Variants in C16orf74 observed in about 807,000 individuals in gnomAD.
C16orf74 encodes the protein uncharacterized protein C16orf74.
C16orf74 carries 10 observed loss-of-function variants against 6.5 expected under a neutral mutation model. The ratio of observed to expected loss-of-function variants is 1.54; its 90% CI spans 0.95 to 2.61. C16orf74 has a LOEUF of 2.61. Among genes scored for constraint, C16orf74 ranks in the 30% most tolerant of loss-of-function variants. C16orf74 has a pLI of 0.00. For missense variants in C16orf74, 141 were observed against 105.9 expected (o/e 1.33, Z -1.45); for synonymous variants, 60 against 42.5 (o/e 1.41, Z -1.60).
rs374917861 is a variant in C16orf74 at position 85,720,600 on chromosome 16, C to G, written c.29-10293G>C. ...CAGGCCTGGACAACATAGCAAGACC[C>G]CATCTCTAAAAAAATTTTTTTTTAA... On this transcript the variant is annotated intron_variant, in intron 2 of 3. Transcript: ENST00000284245. Among the ~76,000 whole-genome samples the G allele has an allele frequency of 3.4e-4, 52 of 152,060 alleles. No homozygotes were observed. In the South Asian group the frequency reaches 0.01, roughly 30 times the overall value.
intron 2 of C16orf74, among the ~76,000 whole-genome samples, chr16:85,725,447 G>C (rs1213912690): frequency 6.6e-6 from 1 of 152,222 alleles, no homozygotes; most frequent in Non-Finnish European, 1.5e-5. Flanking sequence ...TAGAGCACCA[G>C]TGCCTGGGAC....
At chr16:85,729,418 T>C (rs536651314) in intron 2 of C16orf74, among the ~76,000 whole-genome samples, 41 of 152,332 alleles carry the variant, frequency 2.7e-4, no homozygotes, top group South Asian at 6.2e-4. Context: ...AAAGGGGTGT[T>C]GGCACAGCTG....
intron 1 of C16orf74, among the ~76,000 whole-genome samples, chr16:85,742,342 C>A (rs1352561084): frequency 6.6e-6 from 1 of 152,122 alleles, no homozygotes; most frequent in Non-Finnish European, 1.5e-5. Flanking sequence ...CACTGCACTC[C>A]ATCCTGGGTG....
At chr16:85,744,967 G>C (rs1265869398) in intron 1 of C16orf74, among the ~76,000 whole-genome samples, 3 of 150,492 alleles carry the variant, frequency 2.0e-5, no homozygotes, top group Non-Finnish European at 4.4e-5. Context: ...CATGCAGAAA[G>C]CCCATCTCTA....
intron 1 of C16orf74, among the ~76,000 whole-genome samples, chr16:85,740,813 G>A (rs1032322524): frequency 7.9e-6 from 1 of 126,766 alleles, no homozygotes. Flanking sequence ...GCCTGGGCAA[G>A]AGAGTGAGAC....
At position 85,712,699 on chromosome 16, in the gene C16orf74, C is replaced by T. The variant is rs545308224; in HGVS notation, c.29-2392G>A. On this transcript the variant is annotated intron_variant, in intron 2 of 3. Transcript: ENST00000284245. ...CACACTGGCTTTGGAATCAGGCCAC[C>T]AGCTGTGTGACCCTGCGTGCACTGC... is the stretch of plus-strand genomic sequence containing the variant. Among the ~76,000 whole-genome samples the T allele has an allele frequency of 2.0e-5, 3 of 152,332 alleles. No homozygotes were observed. In the South Asian group the frequency reaches 6.2e-4, roughly 32 times the overall value.
intron 2 of C16orf74, among the ~76,000 whole-genome samples, chr16:85,718,893 C>CCT (rs143859540): frequency 0.014 from 2,120 of 152,350 alleles, 43 homozygotes; most frequent in African/African-American, 0.046. Flanking sequence ...GTTCCAGCCC[C>CCT]GAGTGTGGGT....
intron 1 of C16orf74, among the ~76,000 whole-genome samples, chr16:85,745,795 C>T (rs565373446): frequency 3.2e-4 from 41 of 129,540 alleles, no homozygotes; most frequent in Middle Eastern, 5.3e-3. Context: ...ACCCTGCTTT[C>T]CAAAGACACA....
At chr16:85,740,836 A>AAAAC (rs1256045490) in intron 1 of C16orf74, among the ~76,000 whole-genome samples, 1 of 150,660 alleles carries the variant, frequency 6.6e-6, no homozygotes, top group Non-Finnish European at 1.5e-5. Flanking sequence ...TCAAAAAAAA[A>AAAAC]AAAAAAAAAA....
chr16:85,718,765 A>C (rs1026414115), intron 2 of C16orf74, among the ~76,000 whole-genome samples: 1 of 152,234 alleles, frequency 6.6e-6, no homozygotes, highest in African/African-American at 2.4e-5. Flanking sequence ...TCAGATCACG[A>C]GTTGATGCTA....
chr16:85,747,316 G>C (rs960866853), intron 1 of C16orf74, among the ~76,000 whole-genome samples: 1 of 152,182 alleles, frequency 6.6e-6, no homozygotes, highest in Non-Finnish European at 1.5e-5. Context: ...GCTGGGTATG[G>C]TGGCACACAC....
At chr16:85,730,511 C>T (rs1040620015) in intron 2 of C16orf74, among the ~76,000 whole-genome samples, 1 of 144,708 alleles carries the variant, frequency 6.9e-6, no homozygotes, top group Admixed American at 7.0e-5. Flanking sequence ...CAAGTGAACC[C>T]CCACATCAGC....
At chr16:85,724,890 G>A (rs1454868905) in intron 2 of C16orf74, among the ~76,000 whole-genome samples, 1 of 152,228 alleles carries the variant, frequency 6.6e-6, no homozygotes, top group East Asian at 1.9e-4. Flanking sequence ...GTGTGAGGAG[G>A]AGAACATCCT....
At chr16:85,742,883 T>C (rs1388664442) in intron 1 of C16orf74, among the ~76,000 whole-genome samples, 1 of 152,214 alleles carries the variant, frequency 6.6e-6, no homozygotes, top group East Asian at 1.9e-4. Flanking sequence ...TGGGTATTCC[T>C]TTGCAGCAAC....
chr16:85,728,918 C>G (rs767349183), intron 2 of C16orf74, among the ~76,000 whole-genome samples: 2 of 152,208 alleles, frequency 1.3e-5, no homozygotes, highest in Non-Finnish European at 2.9e-5. Flanking sequence ...GGAATCCCCC[C>G]GGAGGATGTG....
Position 85,735,176 on chromosome 16 carries a change from G to C in C16orf74, c.28+14C>G, listed in dbSNP as rs1295901107. The C allele has an allele frequency of 1.2e-6, 2 of 1,602,944 alleles. No homozygotes were observed. The highest frequency in any genetic ancestry group is 1.1e-5 in the South Asian group (1 of 89,570). On this transcript the variant is annotated intron_variant, in intron 2 of 3. Transcript: ENST00000284245. ...TGCCATGAGAGCTGGTGGGGGCAGA[G>C]CTTCAGGCCTTACCTTTCAGGCAGG...
In C16orf74 at chr16:85,710,327, G is replaced by A. The variant is rs1478344718; in HGVS notation, c.29-20C>T. The A allele has an allele frequency of 2.0e-6, 3 of 1,480,046 alleles. No homozygotes were observed. The highest frequency in any genetic ancestry group is 2.7e-6 in the Non-Finnish European group (3 of 1,129,726). 91.7% of individuals were successfully genotyped at this position (1,480,046 alleles called of 1,614,324 possible). On this transcript the variant is annotated intron_variant, in intron 2 of 3. Coordinates refer to ENST00000284245, the MANE Select transcript of C16orf74 (RefSeq NM_206967.3). Reference sequence around the variant, plus strand: ...GAAAGCCTGAGAAGCCAGGCGTGGAGCACACACGCACGTACACACGACAGA... The same window carrying A: ...GAAAGCCTGAGAAGCCAGGCGTGGAACACACACGCACGTACACACGACAGA...
rs142698287 is a variant in C16orf74 at position 85,741,077 on chromosome 16, G to T, written c.-18-5842C>A. Among the ~76,000 whole-genome samples, 193 of 152,306 alleles carry T rather than the reference G, an allele frequency of 1.3e-3. 3 individuals carry two copies. The East Asian group carries it at 0.032, about 26-fold the overall frequency. On this transcript the variant is annotated intron_variant, in intron 1 of 3. Transcript: ENST00000284245. Reference sequence around the variant, plus strand: ...TGCTTCAAGAAAAAGGCTTAAAAAGGAAAGAAAGGCAACATCCAGAAGAGA... The same window carrying T: ...TGCTTCAAGAAAAAGGCTTAAAAAGTAAAGAAAGGCAACATCCAGAAGAGA...
intron 2 of C16orf74, among the ~76,000 whole-genome samples, chr16:85,725,292 AT>A (rs1390598002): frequency 1.3e-5 from 2 of 152,096 alleles, no homozygotes; most frequent in Admixed American, 6.5e-5. Flanking sequence ...GAGCCCTGGA[AT>A]TGAGCCTGCA....
Sources: gnomAD v4.1 joint callset for allele counts (sites outside exome capture counted in the v4.1 genomes callset) on GRCh38, gnomAD v4.1.1 for gene constraint, MANE v1.5 for transcripts, NCBI Gene and HGNC (gene_info 2026-07-23, HGNC 2026-07-21) for gene names.